The following PABPC4L variants were observed in gnomAD, a reference collection of about 807,000 sequenced individuals.
The protein encoded by PABPC4L is poly(A) binding protein cytoplasmic 4 like.
For missense variants in PABPC4L, 452 were observed against 451.4 expected (o/e 1.00, Z -0.01); for synonymous variants, 169 against 164.1 (o/e 1.03, Z -0.23).
chr4:134,129,193 A>G, the PABPC4L span, among the ~76,000 whole-genome samples: 5 of 152,250 alleles, frequency 3.3e-5, no homozygotes, highest in African/African-American at 1.2e-4. Flanking sequence ...TACTATACCT[A>G]AGAAATGAGA....
chr4:134,136,515 G>A, the PABPC4L span, among the ~76,000 whole-genome samples: 2 of 151,706 alleles, frequency 1.3e-5, no homozygotes, highest in African/African-American at 4.8e-5. Context: ...TCTCAATTTT[G>A]TTAGAGTTTT....
the PABPC4L span, among the ~76,000 whole-genome samples, chr4:134,089,142 A>C: frequency 1.3e-5 from 2 of 152,130 alleles, no homozygotes; most frequent in African/African-American, 4.8e-5. Flanking sequence ...TTTTATTGCT[A>C]ATAGTAACTA....
chr4:134,079,280 C>G, the PABPC4L span, among the ~76,000 whole-genome samples: 4 of 149,592 alleles, frequency 2.7e-5, no homozygotes, highest in Admixed American at 6.7e-5. Flanking sequence ...TGTTTTGTAA[C>G]ATTTTAAAAA....
chr4:134,084,018 C>T, the PABPC4L span, among the ~76,000 whole-genome samples: 1 of 151,978 alleles, frequency 6.6e-6, no homozygotes, highest in African/African-American at 2.4e-5. Context: ...CATAAGAACA[C>T]TAGAATTAAT....
the PABPC4L span, among the ~76,000 whole-genome samples, chr4:133,972,384 T>C: frequency 6.6e-6 from 1 of 152,140 alleles, no homozygotes; most frequent in Non-Finnish European, 1.5e-5. Context: ...TGGACAGATA[T>C]AGCAAATACT....
chr4:134,087,815 C>T, the PABPC4L span, among the ~76,000 whole-genome samples: 3 of 152,126 alleles, frequency 2.0e-5, no homozygotes, highest in Non-Finnish European at 1.5e-5. Context: ...CTGGCCTTTT[C>T]CCTCTGGCCT....
At chr4:134,038,364 T>C in the PABPC4L span, among the ~76,000 whole-genome samples, 1 of 152,288 alleles carries the variant, frequency 6.6e-6, no homozygotes, top group Middle Eastern at 3.4e-3. Flanking sequence ...ATTCCCTCTT[T>C]TTCTATTGTT....
At chr4:133,958,332 T>G in the PABPC4L span, among the ~76,000 whole-genome samples, 1 of 152,180 alleles carries the variant, frequency 6.6e-6, no homozygotes, top group Non-Finnish European at 1.5e-5. Flanking sequence ...TACCTCAACC[T>G]GGACATCATT....
the PABPC4L span, among the ~76,000 whole-genome samples, chr4:134,072,867 T>G: frequency 6.6e-6 from 1 of 152,078 alleles, no homozygotes; most frequent in East Asian, 1.9e-4. Context: ...ACCAACAGAT[T>G]TCATGAGAAC....
chr4:134,065,473 C>T, the PABPC4L span, among the ~76,000 whole-genome samples: 1 of 151,850 alleles, frequency 6.6e-6, no homozygotes, highest in Non-Finnish European at 1.5e-5. Context: ...GTTTAAGTTA[C>T]TTGTAGACCT....
At chr4:134,112,139 GT>G in the PABPC4L span, among the ~76,000 whole-genome samples, 21 of 151,794 alleles carry the variant, frequency 1.4e-4, no homozygotes, top group Non-Finnish European at 4.4e-5. Flanking sequence ...GAATAAAATA[GT>G]TTAACAACAG....
chr4:134,150,939 A>G, the PABPC4L span, among the ~76,000 whole-genome samples: 1 of 152,238 alleles, frequency 6.6e-6, no homozygotes, highest in Non-Finnish European at 1.5e-5. Context: ...TAAACGAAAC[A>G]TGATACAGCC....
the PABPC4L span, among the ~76,000 whole-genome samples, chr4:134,116,752 T>C: frequency 2.0e-5 from 3 of 151,756 alleles, no homozygotes; most frequent in Non-Finnish European, 1.5e-5. Flanking sequence ...TTAAGAAATA[T>C]ATATCTTACA....
chr4:134,128,317 T>C, the PABPC4L span, among the ~76,000 whole-genome samples: 1 of 152,072 alleles, frequency 6.6e-6, no homozygotes, highest in African/African-American at 2.4e-5. Flanking sequence ...AAATAACACA[T>C]TGGAAATTCA....
the PABPC4L span, among the ~76,000 whole-genome samples, chr4:133,992,907 G>A: frequency 1.3e-5 from 2 of 152,050 alleles, no homozygotes; most frequent in Admixed American, 1.3e-4. Flanking sequence ...CTGGGACTGT[G>A]GGTCTTGCAG....
At chr4:134,158,701 G>A in the PABPC4L span, among the ~76,000 whole-genome samples, 1 of 151,994 alleles carries the variant, frequency 6.6e-6, no homozygotes. Context: ...ATATCTAGGT[G>A]CTAGATGTCA....
the PABPC4L span, among the ~76,000 whole-genome samples, chr4:133,969,413 G>GA: frequency 4.6e-5 from 3 of 64,966 alleles, no homozygotes; most frequent in East Asian, 6.8e-4. Context: ...GGCCTGTGTC[G>GA]GCACATGGCT....
At chr4:134,092,001 A>G in the PABPC4L span, among the ~76,000 whole-genome samples, 1 of 152,024 alleles carries the variant, frequency 6.6e-6, no homozygotes, top group Non-Finnish European at 1.5e-5. Flanking sequence ...TATTTGCTTC[A>G]TAAGAGTTAT....
chr4:134,190,393 G>T, the PABPC4L span, among the ~76,000 whole-genome samples: 4 of 151,956 alleles, frequency 2.6e-5, no homozygotes, highest in East Asian at 7.8e-4. Flanking sequence ...GACTTGTATA[G>T]GTACCCTTCA....
Sources: gnomAD v4.1 joint callset for allele counts (sites outside exome capture counted in the v4.1 genomes callset) on GRCh38, gnomAD v4.1.1 for gene constraint, MANE v1.5 for transcripts, NCBI Gene and HGNC (gene_info 2026-07-23, HGNC 2026-07-21) for gene names.